FAM120B: variants seen among roughly 807,000 people sequenced by gnomAD.
FAM120B encodes the protein family with sequence similarity 120 member B.
A neutral mutation model predicts 96.3 loss-of-function variants in FAM120B; 83 were observed. The ratio of observed to expected loss-of-function variants is 0.86; its 90% CI spans 0.72 to 1.03. The LOEUF (loss-of-function observed/expected upper bound fraction) is 1.03. Ranked by LOEUF, FAM120B falls within the 50% of genes least tolerant of loss-of-function variation. The pLI, the probability that FAM120B is intolerant of heterozygous loss-of-function variation, is 0.00. For synonymous variants in FAM120B, 407 were observed against 402.7 expected (o/e 1.01, Z -0.13); for missense variants, 1,027 against 1,121.2 (o/e 0.92, Z 1.20).
chr6:170,391,661 C>T (rs1423864860), intron 8 of FAM120B, among the ~76,000 whole-genome samples: 2 of 152,188 alleles, frequency 1.3e-5, no homozygotes, highest in African/African-American at 4.8e-5. Flanking sequence ...GTGTAACCTC[C>T]TTTCTAGGGT....
At chr6:170,365,335 G>A (rs2115223077) in intron 6 of FAM120B, among the ~76,000 whole-genome samples, 1 of 152,326 alleles carries the variant, frequency 6.6e-6, no homozygotes, top group Admixed American at 6.5e-5. Flanking sequence ...GCAGAAAAGA[G>A]TCTAGGTTCA....
At chr6:170,293,969 C>G (rs962817305), upstream of FAM120B, among the ~76,000 whole-genome samples, 3 of 152,154 alleles carry the variant, frequency 2.0e-5, no homozygotes, top group African/African-American at 7.2e-5. Flanking sequence ...ATTGGGAAGA[C>G]AAGGGGAGCC....
intron 1 of FAM120B, among the ~76,000 whole-genome samples, chr6:170,314,150 C>T (rs936916031): frequency 2.0e-5 from 3 of 152,194 alleles, no homozygotes; most frequent in Non-Finnish European, 4.4e-5. Context: ...GAGAATGAGC[C>T]AGCCCTAGGA....
In FAM120B at chr6:170,363,503, A is replaced by G. The variant is rs1788591779; in HGVS notation, c.2283+5185A>G. 2.6e-5 allele frequency among the ~76,000 whole-genome samples: 4 copies of G among 152,250 alleles called. No individual in the cohort carries two copies. Among genetic ancestry groups the G allele is most frequent in the Admixed American group, 2.6e-4 (4 of 15,288 alleles). ...CTGCTGGGGCGCTCAGAAAACAGCA[A>G]GCTGTGTGTGCTGTGTTTGTTAACA... On this transcript the variant is annotated intron_variant, in intron 6 of 10. Coordinates refer to ENST00000476287, the MANE Select transcript of FAM120B (RefSeq NM_032448.3). The surrounding 1 kb of genome is among the most constrained non-coding windows in gnomAD (Gnocchi z 4.5).
intron 6 of FAM120B, among the ~76,000 whole-genome samples, chr6:170,361,331 TTA>T (rs1788448425): frequency 6.7e-6 from 1 of 149,642 alleles, no homozygotes; most frequent in Non-Finnish European, 1.5e-5. Context: ...TAGTACATAT[TTA>T]TGTATATACA....
intron 2 of FAM120B, among the ~76,000 whole-genome samples, chr6:170,322,848 G>T (rs1198778503): frequency 1.3e-5 from 2 of 152,068 alleles, no homozygotes; most frequent in African/African-American, 4.8e-5. Context: ...TACTGCAGAA[G>T]ATAAGACTGG....
intron 4 of FAM120B, among the ~76,000 whole-genome samples, chr6:170,339,957 A>G (rs943995426): frequency 3.3e-5 from 5 of 152,040 alleles, no homozygotes; most frequent in Middle Eastern, 6.8e-3. Context: ...GAATCTGACA[A>G]TTAGGTGTCT....
intron 9 of FAM120B, among the ~76,000 whole-genome samples, chr6:170,397,079 G>A (rs983502307): frequency 2.0e-5 from 3 of 152,230 alleles, no homozygotes; most frequent in Admixed American, 1.3e-4. Flanking sequence ...TGTCCTGGGG[G>A]CTCCCCGTGG....
chr6:170,294,207 A>G (rs1783948444), upstream of FAM120B, among the ~76,000 whole-genome samples: 1 of 152,126 alleles, frequency 6.6e-6, no homozygotes, highest in Admixed American at 6.5e-5. The surrounding 1 kb of genome is among the most constrained non-coding windows in gnomAD (Gnocchi z 7.9). Context: ...CCTCCTCCCC[A>G]CACTATAAAT....
At position 170,358,317 on chromosome 6, in the gene FAM120B, A is replaced by G. The variant is rs1788108303; in HGVS notation, c.2282A>G (p.Gln761Arg). The change falls in exon 6 of 11, where the codon CAG becomes CGG. Residue 761 changes from glutamine to arginine, a missense_variant and splice_region_variant. Transcript: ENST00000476287. ...TCCACCTCGCAGCTTGTAAATCTACAGGTACAGACGTGACCAGTTAGTTGT... is the reference window on the plus strand; with the variant it reads ...TCCACCTCGCAGCTTGTAAATCTACGGGTACAGACGTGACCAGTTAGTTGT... ...GKSTSQLVNL[Q>R]PDYINPRAVQ... 1 of 1,601,280 alleles carries G rather than the reference A, an allele frequency of 6.2e-7. No homozygotes were observed. Among genetic ancestry groups the G allele is most frequent in the Admixed American group, 1.7e-5 (1 of 59,256 alleles).
chr6:170,388,041 G>C (rs1790286444), intron 6 of FAM120B, among the ~76,000 whole-genome samples: 1 of 152,106 alleles, frequency 6.6e-6, no homozygotes, highest in Non-Finnish European at 1.5e-5. Flanking sequence ...TGAATGGATG[G>C]GTGGATGGAT....
intron 4 of FAM120B, among the ~76,000 whole-genome samples, chr6:170,342,498 C>A (rs1786902238): frequency 6.6e-6 from 1 of 152,204 alleles, no homozygotes; most frequent in Non-Finnish European, 1.5e-5. Flanking sequence ...GCCTTTCACT[C>A]TTCTGTGTTT....
chr6:170,362,579 G>A (rs1583269200), intron 6 of FAM120B, among the ~76,000 whole-genome samples: 3 of 152,136 alleles, frequency 2.0e-5, no homozygotes, highest in South Asian at 2.1e-4. Context: ...GTATACTGCC[G>A]TGGGTCCAGG....
rs1262978748 is a variant in FAM120B, at chr6:170,323,195, C to A, written c.1851C>A (p.Ser617Arg). 6.2e-7 allele frequency: 1 copy of A among 1,614,116 alleles called. No homozygotes were observed. Among genetic ancestry groups the A allele is most frequent in the Admixed American group, 1.7e-5 (1 of 60,014 alleles). ...ATGAGCTTGACCAGGCCTTACCCAG[C>A]CAGGCCTTCATTTACCGTCCCATTC... is the stretch of plus-strand genomic sequence containing the variant. ...LEDELDQALP[S>R]QAFIYRPIRQ... The change falls in exon 3 of 11, where the codon AGC (serine) becomes AGA (arginine). Residue 617 changes from serine (S) to arginine (R), a missense_variant. Physicochemically the swap from Ser to Arg is moderately radical, Grantham distance 110 (BLOSUM62 -1). Coordinates refer to ENST00000476287, the MANE Select transcript of FAM120B (RefSeq NM_032448.3).
chr6:170,360,614 G>C (rs1432643388), intron 6 of FAM120B, among the ~76,000 whole-genome samples: 1 of 152,194 alleles, frequency 6.6e-6, no homozygotes, highest in Non-Finnish European at 1.5e-5. Flanking sequence ...AAACGTAGCA[G>C]AGACTTGTCC....
chr6:170,321,823 A>C (rs754247115), intron 2 of FAM120B, among the ~76,000 whole-genome samples: 2 of 152,352 alleles, frequency 1.3e-5, no homozygotes, highest in South Asian at 2.1e-4. Context: ...TTCTATAGGA[A>C]GAAGGTAAGG....
At chr6:170,400,680 G>C (rs1204318976) in intron 9 of FAM120B, among the ~76,000 whole-genome samples, 3 of 152,134 alleles carry the variant, frequency 2.0e-5, no homozygotes, top group Non-Finnish European at 4.4e-5. Context: ...TTCCTTTCCT[G>C]GCATTAATTC....
Position 170,389,148 on chromosome 6 carries a change from C to T in FAM120B, c.2490+655C>T, listed in dbSNP as rs1455659809. ...GTAAGTGATCTATGCAGTTCAAACC[C>T]ATGTTGTTCAAGGGTCAGCTGTACA... is the stretch of plus-strand genomic sequence containing the variant. On this transcript the variant is annotated intron_variant, in intron 7 of 10. Transcript: ENST00000476287. Among the ~76,000 whole-genome samples the T allele has an allele frequency of 2.6e-5, 4 of 152,246 alleles. No homozygotes were observed. The East Asian group carries it at 7.7e-4, about 29-fold the overall frequency.
chr6:170,319,257 A>T (rs551416959), intron 2 of FAM120B, 133 bp downstream of exon 2: 1 of 821,370 alleles, frequency 1.2e-6, no homozygotes, highest in East Asian at 2.6e-5. Context: ...AAGTCTCGTT[A>T]GGAAGTGTGA....
Sources: gnomAD v4.1 joint callset for allele counts (sites outside exome capture counted in the v4.1 genomes callset) on GRCh38, gnomAD v4.1.1 for gene constraint, Gnocchi (gnomAD v3.1) non-coding constraint, MANE v1.5 for transcripts, NCBI Gene and HGNC (gene_info 2026-07-23, HGNC 2026-07-21) for gene names.